Variants in NEBL observed in about 807,000 individuals in gnomAD.
The protein encoded by NEBL is nebulette.
In NEBL, 122 loss-of-function variants were observed where a neutral mutation model predicts 140.2. That is an observed-to-expected ratio of 0.87 (90% CI 0.75 to 1.01). The LOEUF (loss-of-function observed/expected upper bound fraction) is 1.01, where lower values mean the gene tolerates loss of function less well. Ranked by LOEUF, NEBL falls within the 50% of genes least tolerant of loss-of-function variation. The probability of loss-of-function intolerance (pLI) is 0.00; values close to 1 mark genes in which losing one functional copy is unlikely to be tolerated. For synonymous variants in NEBL, 436 were observed against 398.9 expected (o/e 1.09, Z -1.11); for missense variants, 1,365 against 1,231.3 (o/e 1.11, Z -1.62).
upstream of NEBL, chr10:20,899,305 A>G (rs1242621342): frequency 1.1e-6 from 1 of 948,356 alleles, no homozygotes; most frequent in East Asian, 6.3e-5. Context: ...CCTGAGACAC[A>G]CCTTTTGGCT....
At chr10:21,192,779 A>T (rs1303197543) in intron 3 of NEBL, among the ~76,000 whole-genome samples, 2 of 151,274 alleles carry the variant, frequency 1.3e-5, no homozygotes, top group Non-Finnish European at 2.9e-5. Context: ...CAGGAGGCAG[A>T]GGTCACAGTA....
chr10:21,136,508 T>C (rs958114414), intron 2 of NEBL, among the ~76,000 whole-genome samples: 1 of 152,122 alleles, frequency 6.6e-6, no homozygotes. Context: ...TTACTTCTTA[T>C]TTCAAACCCT....
chr10:20,798,272 C>T, intron 26 of NEBL, among the ~76,000 whole-genome samples: 1 of 152,134 alleles, frequency 6.6e-6, no homozygotes, highest in East Asian at 1.9e-4. Flanking sequence ...TACACTATTT[C>T]CCCACTGTAT....
At chr10:21,250,099 G>C (rs2132271825) in intron 2 of NEBL, among the ~76,000 whole-genome samples, 1 of 152,234 alleles carries the variant, frequency 6.6e-6, no homozygotes, top group Non-Finnish European at 1.5e-5. Flanking sequence ...ATGGATCTCT[G>C]TGATGGTTAA....
chr10:20,863,065 G>A (rs923050549), intron 7 of NEBL, among the ~76,000 whole-genome samples: 1 of 152,074 alleles, frequency 6.6e-6, no homozygotes, highest in Non-Finnish European at 1.5e-5. Flanking sequence ...ATAAGAGACA[G>A]CAGGATTTTC....
At chr10:20,947,472 C>G (rs575706888) in intron 4 of NEBL, among the ~76,000 whole-genome samples, 1 of 152,196 alleles carries the variant, frequency 6.6e-6, no homozygotes, top group Non-Finnish European at 1.5e-5. Flanking sequence ...CACCCCACTA[C>G]CTCCCAGTTT....
rs188495973 is a variant in NEBL at position 21,129,793 on chromosome 10, A to T, written c.164+42590T>A. Among the ~76,000 whole-genome samples the T allele has an allele frequency of 6.7e-3, 1,015 of 152,250 alleles. 10 individuals carry two copies. Among genetic ancestry groups the T allele is most frequent in the African/African-American group, 0.023 (956 of 41,556 alleles). ...AAAATAGAATCATATAAAATGCACA[A>T]TTAAAACCGTAAAAATTAGAAAGAG... is the stretch of plus-strand genomic sequence containing the variant. On this transcript the variant is annotated intron_variant, in intron 2 of 6. Coordinates refer to the NEBL transcript ENST00000417816.
At chr10:20,861,109 A>C (rs979935982) in intron 7 of NEBL, among the ~76,000 whole-genome samples, 7 of 152,188 alleles carry the variant, frequency 4.6e-5, no homozygotes, top group African/African-American at 1.7e-4. Context: ...TTACAAATGA[A>C]ATAAATTTAG....
intron 2 of NEBL, among the ~76,000 whole-genome samples, chr10:21,027,741 CA>C (rs1335050066): frequency 1.6e-4 from 25 of 152,094 alleles, no homozygotes; most frequent in Admixed American, 1.0e-3. Context: ...TGCTGGGGAC[CA>C]TCTTTCACAC....
intron 3 of NEBL, among the ~76,000 whole-genome samples, chr10:21,227,716 T>TCTTCTTCTTCTTCTTC (rs1842181070): frequency 9.8e-6 from 1 of 101,982 alleles, no homozygotes; most frequent in African/African-American, 4.8e-5. Context: ...TCTTCTTTCT[T>TCTTCTTCTTCTTCTTC]CTTCTTCTTC....
intron 4 of NEBL, among the ~76,000 whole-genome samples, chr10:20,909,780 C>T (rs10828149): frequency 0.63 from 95,175 of 151,658 alleles, 30,365 homozygotes; most frequent in Admixed American, 0.72. Flanking sequence ...ATAATATATA[C>T]AAAAGAAATA....
intron 2 of NEBL, among the ~76,000 whole-genome samples, chr10:21,093,448 C>T (rs921126824): frequency 2.6e-5 from 4 of 152,132 alleles, no homozygotes; most frequent in African/African-American, 9.7e-5. Flanking sequence ...AACCAGACGC[C>T]CAAAGCCAAG....
rs375190077 is a variant in NEBL at position 20,868,847 on chromosome 10, AAT to A, written c.583-84_583-83del. On this transcript the variant is annotated intron_variant, in intron 6 of 27. Transcript: ENST00000377122. ...ATTGACATTAGCCAAAAAAAAAAAA[AAT>A]AACAGACCTTCATCTCATTAATATT... 6.2e-3 allele frequency: 5,097 copies of A among 827,926 alleles called. 91 individuals carry two copies. The African/African-American group carries it at 0.08, about 13-fold the overall frequency. 51.3% of individuals were successfully genotyped at this position (827,926 alleles called of 1,614,324 possible).
chr10:21,104,719 C>T (rs1471848291), intron 2 of NEBL, among the ~76,000 whole-genome samples: 2 of 152,038 alleles, frequency 1.3e-5, no homozygotes, highest in Non-Finnish European at 2.9e-5. Flanking sequence ...CTTTTTATTA[C>T]TTTCTCCTGC....
chr10:20,978,458 A>G (rs58275105), intron 3 of NEBL, among the ~76,000 whole-genome samples: 24,150 of 151,968 alleles, frequency 0.16, 3,906 homozygotes, highest in African/African-American at 0.42. Context: ...ATTTGATTAA[A>G]TCAAAAATTT....
intron 2 of NEBL, among the ~76,000 whole-genome samples, chr10:21,104,581 C>G (rs896160926): frequency 1.3e-5 from 2 of 152,088 alleles, no homozygotes; most frequent in Admixed American, 1.3e-4. Context: ...GGCTTATATA[C>G]TGCATTCTCA....
At chr10:21,022,764 G>C (rs1222921155) in intron 2 of NEBL, among the ~76,000 whole-genome samples, 12 of 152,178 alleles carry the variant, frequency 7.9e-5, no homozygotes. Context: ...AATCATACAA[G>C]ATGATTATGC....
chr10:21,141,702 A>G (rs1010374081), intron 2 of NEBL, among the ~76,000 whole-genome samples: 3 of 152,236 alleles, frequency 2.0e-5, no homozygotes, highest in Non-Finnish European at 4.4e-5. Context: ...AAATGAACAA[A>G]AGGGAAAATT....
chr10:20,814,090 A>G, intron 22 of NEBL, 47 bp from the exon 23 acceptor site: 1 of 1,168,888 alleles, frequency 8.6e-7, no homozygotes, highest in Non-Finnish European at 1.3e-6. Context: ...AAAACACATG[A>G]TGTAACATTT....
Sources: allele counts gnomAD v4.1 joint callset (sites outside exome capture counted in the v4.1 genomes callset), GRCh38; gene constraint gnomAD v4.1.1; transcripts MANE v1.5; gene names NCBI Gene and HGNC (gene_info 2026-07-23, HGNC 2026-07-21).